ZNF804B: variants seen among roughly 807,000 people sequenced by gnomAD.
ZNF804B encodes the protein zinc finger 804B.
In ZNF804B, 80 loss-of-function variants were observed where a neutral mutation model predicts 101.4. That is an observed-to-expected ratio of 0.79 (90% confidence interval 0.66 to 0.95). The LOEUF is 0.95. ZNF804B is among the 40% of genes least tolerant of loss of function. The pLI is 0.00. For synonymous variants in ZNF804B, 622 were observed against 558.8 expected, an observed-to-expected ratio of 1.11 and a Z score of -1.59; for missense variants, 1,673 against 1,561.9, an observed-to-expected ratio of 1.07 and a Z score of -1.20.
At chr7:89,048,992 G>A (rs1789156259) in intron 1 of ZNF804B, among the ~76,000 whole-genome samples, 1 of 151,876 alleles carries the variant, frequency 6.6e-6, no homozygotes. Context: ...TGCTGACAAG[G>A]AAGAAACACA....
At chr7:88,805,604 T>A (rs1388961233) in intron 1 of ZNF804B, among the ~76,000 whole-genome samples, 1 of 152,180 alleles carries the variant, frequency 6.6e-6, no homozygotes, top group Non-Finnish European at 1.5e-5. Context: ...TAAGGTACGA[T>A]CACTTTTTTT....
At position 88,962,178 on chromosome 7, in the gene ZNF804B, A is replaced by G. The variant is rs186560207; in HGVS notation, c.108+202094A>G. On this transcript the variant is annotated intron_variant, in intron 1 of 3. Transcript: ENST00000333190. ...TAGACCTAAAATGGTTTATCTCTGC[A>G]CTCACTTCCTTAAGGACCAGAAGTT... Among the ~76,000 whole-genome samples the G allele has an allele frequency of 1.1e-4, 17 of 151,312 alleles. No individual in the cohort carries two copies. In the East Asian group the frequency reaches 3.1e-3, roughly 28 times the overall value.
chr7:89,152,908 C>T (rs1790900832), intron 1 of ZNF804B, among the ~76,000 whole-genome samples: 1 of 152,070 alleles, frequency 6.6e-6, no homozygotes, highest in Admixed American at 6.6e-5. Flanking sequence ...TTCTGATTGG[C>T]CTTTGCCCCT....
chr7:89,097,219 C>T (rs1789983017), intron 1 of ZNF804B, among the ~76,000 whole-genome samples: 1 of 152,202 alleles, frequency 6.6e-6, no homozygotes, highest in Non-Finnish European at 1.5e-5. Context: ...GTGACTACTT[C>T]AGAATGAACT....
chr7:89,257,672 T>C (rs1789655103), intron 2 of ZNF804B, among the ~76,000 whole-genome samples: 1 of 152,170 alleles, frequency 6.6e-6, no homozygotes, highest in South Asian at 2.1e-4. Flanking sequence ...AGAAGTAAAT[T>C]GCATGTTGTA....
intron 1 of ZNF804B, among the ~76,000 whole-genome samples, chr7:89,061,718 T>C (rs1222771257): frequency 6.6e-6 from 1 of 152,130 alleles, no homozygotes; most frequent in Non-Finnish European, 1.5e-5. Context: ...TTAATATATA[T>C]AAAATGCTCA....
chr7:88,920,046 A>G (rs1235830580), intron 1 of ZNF804B, among the ~76,000 whole-genome samples: 1 of 152,118 alleles, frequency 6.6e-6, no homozygotes, highest in Admixed American at 6.6e-5. Context: ...CAGGTACAGT[A>G]AAGTATAACA....
intron 1 of ZNF804B, among the ~76,000 whole-genome samples, chr7:88,789,017 A>G (rs1190192904): frequency 1.3e-5 from 2 of 152,088 alleles, no homozygotes; most frequent in Non-Finnish European, 2.9e-5. Flanking sequence ...TGTATGGAAA[A>G]TCTCTTTTAC....
At chr7:88,951,562 T>G (rs922316351) in intron 1 of ZNF804B, among the ~76,000 whole-genome samples, 3 of 151,948 alleles carry the variant, frequency 2.0e-5, no homozygotes, top group South Asian at 2.1e-4. Context: ...CCAAAAAACG[T>G]TGAAAGTTTT....
At chr7:89,058,594 AT>A (rs1789330909) in intron 1 of ZNF804B, among the ~76,000 whole-genome samples, 1 of 152,110 alleles carries the variant, frequency 6.6e-6, no homozygotes, top group African/African-American at 2.4e-5. Context: ...AAAATAAGGA[AT>A]GGGGGGTCTG....
chr7:89,045,622 T>G (rs982711347), intron 1 of ZNF804B, among the ~76,000 whole-genome samples: 2 of 152,164 alleles, frequency 1.3e-5, no homozygotes, highest in African/African-American at 2.4e-5. Context: ...TTTTGGAACT[T>G]TTAGTTTTAA....
intron 1 of ZNF804B, among the ~76,000 whole-genome samples, chr7:88,814,476 AC>A (rs1790844257): frequency 6.6e-6 from 1 of 150,950 alleles, no homozygotes; most frequent in Admixed American, 6.6e-5. Flanking sequence ...ACACACACAC[AC>A]ACACACACAC....
intron 1 of ZNF804B, among the ~76,000 whole-genome samples, chr7:89,115,909 T>TC (rs1790303854): frequency 1.3e-5 from 2 of 150,790 alleles, no homozygotes; most frequent in African/African-American, 4.9e-5. Context: ...TTTTTGTTTT[T>TC]TTTTTTCTTT....
intron 1 of ZNF804B, among the ~76,000 whole-genome samples, chr7:89,158,734 G>A (rs547174074): frequency 1.2e-4 from 19 of 152,082 alleles, no homozygotes; most frequent in Non-Finnish European, 2.8e-4. Flanking sequence ...TCTCTTTCCA[G>A]CCCAACTTTT....
chr7:88,971,159 C>G (rs1793532947), intron 1 of ZNF804B, among the ~76,000 whole-genome samples: 3 of 151,500 alleles, frequency 2.0e-5, no homozygotes, highest in Non-Finnish European at 4.4e-5. Flanking sequence ...TACTCTATAG[C>G]TCTTTCAGCA....
chr7:89,004,993 C>G (rs1218070666), intron 1 of ZNF804B, among the ~76,000 whole-genome samples: 3 of 151,900 alleles, frequency 2.0e-5, no homozygotes, highest in African/African-American at 7.2e-5. Context: ...TAGGCCTTCA[C>G]CACTCATACT....
intron 1 of ZNF804B, among the ~76,000 whole-genome samples, chr7:89,035,934 ATTATATTATATAT>A (rs1402361852): frequency 7.0e-6 from 1 of 143,284 alleles, no homozygotes; most frequent in African/African-American, 2.6e-5. Flanking sequence ...ATATTAATAT[ATTATATTATATAT>A]TTATATTATA....
chr7:88,845,273 G>A (rs984113097), intron 1 of ZNF804B, among the ~76,000 whole-genome samples: 1 of 144,918 alleles, frequency 6.9e-6, no homozygotes, highest in Non-Finnish European at 1.5e-5. Context: ...ATATGCGCAT[G>A]TGTGCGCACG....
At chr7:88,989,092 G>A (rs1305040636) in intron 1 of ZNF804B, among the ~76,000 whole-genome samples, 1 of 151,758 alleles carries the variant, frequency 6.6e-6, no homozygotes, top group East Asian at 1.9e-4. Context: ...GCATGATCTC[G>A]GCTCACTGCA....
Sources: gnomAD v4.1 joint callset for allele counts (sites outside exome capture counted in the v4.1 genomes callset) on GRCh38, gnomAD v4.1.1 for gene constraint, MANE v1.5 for transcripts, NCBI Gene and HGNC (gene_info 2026-07-23, HGNC 2026-07-21) for gene names.